Variants in SLC39A12 observed in about 807,000 individuals in gnomAD.
SLC39A12 encodes zinc transporter ZIP12.
SLC39A12 carries 63 observed loss-of-function variants against 71.1 expected under a neutral mutation model. That is an observed-to-expected ratio of 0.89 (90% CI 0.72 to 1.09). The LOEUF is 1.09. Ranked by LOEUF, SLC39A12 falls within the 50% of genes least tolerant of loss-of-function variation. The pLI, the probability that SLC39A12 is intolerant of heterozygous loss-of-function variation, is 0.00. For missense variants in SLC39A12, 892 were observed against 812.6 expected, an observed-to-expected ratio of 1.10 and a Z score of -1.19; for synonymous variants, 351 against 301.3, an observed-to-expected ratio of 1.16 and a Z score of -1.71.
At chr10:17,955,898 A>G (rs570081043) in intron 2 of SLC39A12, among the ~76,000 whole-genome samples, 1 of 152,328 alleles carries the variant, frequency 6.6e-6, no homozygotes, top group South Asian at 2.1e-4. Flanking sequence ...CTCCAAAACA[A>G]TACATTCTAC....
intron 12 of SLC39A12, among the ~76,000 whole-genome samples, chr10:18,026,440 G>A (rs1002966508): frequency 1.3e-5 from 2 of 151,916 alleles, no homozygotes; most frequent in African/African-American, 4.8e-5. Flanking sequence ...CTTCTTTAAA[G>A]GTGAGATATT....
chr10:17,975,548 A>G (rs74386336), intron 4 of SLC39A12, among the ~76,000 whole-genome samples: 3,427 of 152,034 alleles, frequency 0.023, 118 homozygotes, highest in African/African-American at 0.075. Context: ...CCAAGATGCA[A>G]TGCAGAGTCC....
At position 17,993,232 on chromosome 10, in the gene SLC39A12, C is replaced by G; in HGVS notation, c.1474C>G (p.Leu492Val). The stretch of plus-strand genomic sequence containing the variant: ...CGTGGGTCATTCCCACCATCTTGCA[C>G]TCAACTCTGAATTAAGTGACCAGGC... ...GHVGHSHHLALNSELSDQAGR... is the reference protein window; with the variant it reads ...GHVGHSHHLAVNSELSDQAGR... Residue 492 changes from leucine (L) to valine (V), a missense_variant, in exon 9 of 13, where the codon CTC becomes GTC. Physicochemically the swap from Leu to Val is conservative, Grantham distance 32 (BLOSUM62 1). Coordinates refer to ENST00000377369, the MANE Select transcript of SLC39A12 (RefSeq NM_001145195.2). The G allele has an allele frequency of 6.4e-7, 1 of 1,551,934 alleles. No individual in the cohort carries two copies. Among genetic ancestry groups the G allele is most frequent in the Non-Finnish European group, 8.7e-7 (1 of 1,147,018 alleles).
rs769946432 is a variant in SLC39A12 at position 18,042,774 on chromosome 10, A to G, written c.2017A>G (p.Ile673Val). ...MMFLLQNFGL[I>V]LGWLSLLLLA... ...GTTTCTCCTGCAAAACTTTGGATTG[A>G]TCCTAGGTTGGCTTTCTCTCCTGCT... is the stretch of plus-strand genomic sequence containing the variant. Residue 673 changes from isoleucine to valine, a missense_variant, in exon 13 of 13, where the codon ATC becomes GTC. Transcript: ENST00000377369. 4 of 1,613,430 alleles carry G rather than the reference A, an allele frequency of 2.5e-6. No homozygotes were observed. Among genetic ancestry groups the G allele is most frequent in the South Asian group, 1.1e-5 (1 of 91,016 alleles).
intron 2 of SLC39A12, among the ~76,000 whole-genome samples, chr10:17,954,844 A>G (rs1262755040): frequency 6.6e-6 from 1 of 152,052 alleles, no homozygotes; most frequent in Non-Finnish European, 1.5e-5. Context: ...GGAGGGGAAC[A>G]TTTTCTGACC....
At chr10:17,980,634 A>T (rs760697003) in intron 5 of SLC39A12, among the ~76,000 whole-genome samples, 1 of 152,124 alleles carries the variant, frequency 6.6e-6, no homozygotes, top group African/African-American at 2.4e-5. Flanking sequence ...CTTCTCTCTC[A>T]TAAATATGCC....
rs377036632 is a variant in SLC39A12, at chr10:17,957,362, C to T, written c.261+3825C>T. Among the ~76,000 whole-genome samples the T allele has an allele frequency of 2.0e-4, 31 of 152,270 alleles. No homozygotes were observed. The East Asian group carries it at 5.0e-3, about 25-fold the overall frequency. On this transcript the variant is annotated intron_variant, in intron 2 of 12. Transcript: ENST00000377369. ...CCTGTTTAGCTTGAAAGGGGAGCCT[C>T]TCCTTGCATTTTAATCAGTCTTTTC...
intron 12 of SLC39A12, among the ~76,000 whole-genome samples, chr10:18,020,197 C>G (rs1836492532): frequency 6.6e-6 from 1 of 152,032 alleles, no homozygotes; most frequent in Non-Finnish European, 1.5e-5. Context: ...TTATTTCCCC[C>G]TTATAAGTGA....
intron 6 of SLC39A12, among the ~76,000 whole-genome samples, chr10:17,984,176 G>A (rs1589231313): frequency 6.6e-6 from 1 of 152,336 alleles, no homozygotes; most frequent in East Asian, 1.9e-4. Context: ...CACTTATGCA[G>A]GGACCTGCAG....
chr10:17,982,918 C>T (rs1473064558), intron 6 of SLC39A12, among the ~76,000 whole-genome samples: 2 of 152,038 alleles, frequency 1.3e-5, no homozygotes, highest in African/African-American at 2.4e-5. Flanking sequence ...GGGCCAGGCG[C>T]GGTGGCTCAC....
chr10:18,036,778 ATATATATATATATATAT>A (rs2130903419), intron 12 of SLC39A12, among the ~76,000 whole-genome samples: 1 of 7,124 alleles, frequency 1.4e-4, no homozygotes, highest in Non-Finnish European at 3.2e-4. Context: ...ATATATATAT[ATATATATATATATATAT>A]TTTTTTTTTT....
intron 12 of SLC39A12, among the ~76,000 whole-genome samples, chr10:18,009,161 T>G (rs1258018844): frequency 6.6e-6 from 1 of 152,146 alleles, no homozygotes; most frequent in Admixed American, 6.6e-5. Context: ...GGTTTTTAGA[T>G]CCTGCCAAAA....
rs691513 is a variant in SLC39A12 at position 17,965,677 on chromosome 10, C to A, written c.738C>A (p.Thr246=). The A allele has an allele frequency of 0.34, 551,807 of 1,610,270 alleles. 95,704 individuals are homozygous for A. Among genetic ancestry groups the A allele is most frequent in the Admixed American group, 0.4 (24,086 of 59,898 alleles). The change falls in exon 4 of 13, where the codon ACC becomes ACA. Residue 246 remains threonine (T), a synonymous_variant. Transcript: ENST00000377369. ...TCAGTTCCTTGAATCGTACGAATAC[C>A]CTCCGCCTATCAGGTAAGGATGTTT... ...YIFSSLNRTN[T]LRLSELDQLL...
chr10:18,025,046 T>C (rs561489728), intron 12 of SLC39A12, among the ~76,000 whole-genome samples: 56 of 152,324 alleles, frequency 3.7e-4, no homozygotes, highest in African/African-American at 1.3e-3. Context: ...TTATAATCTC[T>C]GTCTTTTAAT....
intron 12 of SLC39A12, among the ~76,000 whole-genome samples, chr10:18,036,878 C>T (rs928571750): frequency 1.3e-5 from 2 of 149,020 alleles, no homozygotes; most frequent in Non-Finnish European, 3.0e-5. Flanking sequence ...CCTCCGCCTC[C>T]CAGGTTTAAA....
At chr10:18,003,424 C>G in intron 12 of SLC39A12, 66 bp downstream of exon 12, 1 of 1,386,996 alleles carries the variant, frequency 7.2e-7, no homozygotes, top group Non-Finnish European at 9.8e-7. Flanking sequence ...AGAAAAAAAA[C>G]AGTAAAAATG....
At chr10:17,964,988 C>T (rs569219840) in intron 3 of SLC39A12, among the ~76,000 whole-genome samples, 27 of 152,264 alleles carry the variant, frequency 1.8e-4, no homozygotes, top group African/African-American at 6.5e-4. Flanking sequence ...AGGTGGAACA[C>T]CTGAGGTCAG....
chr10:17,987,429 G>A (rs1466899791), intron 6 of SLC39A12, 50 bp from the exon 7 acceptor site: 2 of 1,586,356 alleles, frequency 1.3e-6, no homozygotes, highest in Non-Finnish European at 1.7e-6. Context: ...GCTGAGGCCG[G>A]AATGGAGGGC....
intron 8 of SLC39A12, among the ~76,000 whole-genome samples, chr10:17,992,088 CAAAAAAA>C (rs59014549): frequency 5.7e-5 from 5 of 87,226 alleles, no homozygotes; most frequent in Admixed American, 3.0e-4. Flanking sequence ...GACTCCATCT[CAAAAAAA>C]AAAAAAAAAA....
Sources: gnomAD v4.1 joint callset for allele counts (sites outside exome capture counted in the v4.1 genomes callset) on GRCh38, gnomAD v4.1.1 for gene constraint, MANE v1.5 for transcripts, NCBI Gene and HGNC (gene_info 2026-07-23, HGNC 2026-07-21) for gene names.